YBX3: variants seen among roughly 807,000 people sequenced by gnomAD.
YBX3 encodes Y-box-binding protein 3.
In YBX3, 29 loss-of-function variants were observed where a neutral mutation model predicts 42.4. The observed-to-expected ratio is 0.68, with a 90% CI of 0.51 to 0.93. The LOEUF (loss-of-function observed/expected upper bound fraction) is 0.93, where lower values mean the gene tolerates loss of function less well. YBX3 is among the 40% of genes least tolerant of loss of function. The pLI, the probability that YBX3 is intolerant of heterozygous loss-of-function variation, is 0.00. For missense variants in YBX3, 517 were observed against 527.5 expected, an observed-to-expected ratio of 0.98 and a Z score of 0.19; for synonymous variants, 195 against 189.8, an observed-to-expected ratio of 1.03 and a Z score of -0.22.
chr12:10,715,894 A>G, intron 3 of YBX3, 111 bp from the exon 4 acceptor site: 1 of 868,542 alleles, frequency 1.2e-6, no homozygotes, highest in Non-Finnish European at 1.8e-6. Context: ...ACCGATTCTT[A>G]TTTTTCCACC....
At chr12:10,703,602 G>A in intron 7 of YBX3, 1 of 436,152 alleles carries the variant, frequency 2.3e-6, no homozygotes, top group Non-Finnish European at 4.6e-6. Context: ...TGCAGTCCAA[G>A]AACATACATC....
intron 5 of YBX3, chr12:10,710,605 G>A: frequency 8.0e-7 from 1 of 1,253,832 alleles, no homozygotes. Flanking sequence ...ACTTCCAGGG[G>A]GTCAGCGAGG....
Position 10,713,239 on chromosome 12 carries a change from T to G in YBX3, c.545A>C (p.Tyr182Ser), listed in dbSNP as rs150965070. The G allele has an allele frequency of 6.2e-7, 1 of 1,613,890 alleles. No homozygotes were observed. Among genetic ancestry groups the G allele is most frequent in the East Asian group, 2.2e-5 (1 of 44,882 alleles). ...CCGGGGAGGGCCACGGCGCCTTCCA[T>G]AGTAGCCACGTCTGTAACGGCGCCG... ...ADRRRYRRGYYGRRRGPPRNY... is the reference protein window; with the variant it reads ...ADRRRYRRGYSGRRRGPPRNY... The change falls in exon 5 of 10, where the codon TAT (tyrosine) becomes TCT (serine). Residue 182 changes from tyrosine (Y) to serine (S), a missense_variant. By Grantham distance (144) the Tyr-to-Ser change is moderately radical. Around this residue, in one of 3 missense-constraint regions of YBX3, gnomAD observed 420 missense variants for 408.5 expected, o/e 1.03. Transcript: ENST00000228251.
intron 3 of YBX3, among the ~76,000 whole-genome samples, chr12:10,716,372 G>A (rs756434496): frequency 3.3e-5 from 5 of 152,174 alleles, no homozygotes; most frequent in Non-Finnish European, 7.3e-5. Flanking sequence ...AAGTGGAGGA[G>A]GGGGAATTCA....
Position 10,704,066 on chromosome 12 carries a change from C to A in YBX3, c.863G>T (p.Arg288Leu), listed in dbSNP as rs745797213. The change falls in exon 7 of 10, where the codon CGC becomes CTC. Residue 288 changes from arginine to leucine, a missense_variant. By Grantham distance (102) the Arg-to-Leu change is moderately radical. Around this residue, in one of 3 missense-constraint regions of YBX3, gnomAD observed 420 missense variants for 408.5 expected, o/e 1.03. Transcript: ENST00000228251. ...TGCGACATACCTACGGTACCTTGGG[C>A]GGTAAGTTGGATTTCGATGAACCGG... ...QGPVHRNPTY[R>L]PRYRSRGPPR... 1 of 1,614,170 alleles carries A rather than the reference C, an allele frequency of 6.2e-7. No individual in the cohort carries two copies. The highest frequency in any genetic ancestry group is 1.3e-5 in the African/African-American group (1 of 75,034).
Position 10,709,957 on chromosome 12 carries a change from T to C in YBX3, c.731A>G (p.Gln244Arg). The C allele has an allele frequency of 1.2e-6, 2 of 1,614,240 alleles. No homozygotes were observed. Among genetic ancestry groups the C allele is most frequent in the Non-Finnish European group, 1.7e-6 (2 of 1,180,036 alleles). ...QRRFPPYHVG[Q>R]TFDRRSRVLP... is the part of the protein sequence containing the mutation. ...GACCCGTGAGCGACGGTCAAAGGTC[T>C]GTCCCACGTGGTAAGGCGGGAACCG... is the stretch of plus-strand genomic sequence containing the variant. Residue 244 changes from glutamine (Q) to arginine (R), a missense_variant, in exon 6 of 10, where the codon CAG becomes CGG. Physicochemically the swap from Gln to Arg is conservative, Grantham distance 43. Coordinates refer to ENST00000228251, the MANE Select transcript of YBX3 (RefSeq NM_003651.5).
chr12:10,710,509 G>A, intron 5 of YBX3: 1 of 1,184,206 alleles, frequency 8.4e-7, no homozygotes, highest in Non-Finnish European at 1.1e-6. Flanking sequence ...AGCCAAAAAA[G>A]AATACATTTT....
chr12:10,710,288 C>T, intron 5 of YBX3, 174 bp from the exon 6 acceptor site: 1 of 1,493,362 alleles, frequency 6.7e-7, no homozygotes. Context: ...CTGGGATAAA[C>T]TACATTAAGA....
At position 10,712,880 on chromosome 12, in the gene YBX3, C is replaced by T. The variant is rs193007096; in HGVS notation, c.573+331G>A. The T allele has an allele frequency of 2.3e-3, 489 of 214,740 alleles. 3 individuals carry two copies. Among genetic ancestry groups the T allele is most frequent in the Non-Finnish European group, 3.9e-3 (422 of 108,778 alleles). 13.3% of individuals were successfully genotyped at this position (214,740 alleles called of 1,614,324 possible). A position where few individuals can be genotyped will look rare whatever the true frequency, so the allele number is the denominator to read the frequency against. On this transcript the variant is annotated intron_variant, in intron 5 of 9. Coordinates refer to ENST00000228251, the MANE Select transcript of YBX3 (RefSeq NM_003651.5). ...TCTGAATGGCAAGTGTCTAATGAGA[C>T]CAGCGGCTCTGGAAAAGTTCTGAGC...
intron 6 of YBX3, among the ~76,000 whole-genome samples, chr12:10,707,478 A>C (rs998626744): frequency 6.6e-6 from 1 of 152,238 alleles, no homozygotes; most frequent in African/African-American, 2.4e-5. Context: ...TATATGCTTA[A>C]AACATTTTCC....
intron 6 of YBX3, among the ~76,000 whole-genome samples, chr12:10,705,704 CATAA>C (rs1290898011): frequency 6.6e-6 from 1 of 152,180 alleles, no homozygotes; most frequent in African/African-American, 2.4e-5. Context: ...TTACAAAGTG[CATAA>C]ATATACTATT....
Position 10,723,176 on chromosome 12 carries a change from G to A in YBX3, c.-65C>T. ...CGGTTGGTCGGCGGTTAGCGCGGCT[G>A]GTGGTCGCGGCGGCCGGGGCTCGCT... is the stretch of plus-strand genomic sequence containing the variant. On this transcript the variant is annotated 5_prime_UTR_variant, in exon 1 of 10. Transcript: ENST00000228251. The A allele has an allele frequency of 7.6e-6, 9 of 1,185,152 alleles. No individual in the cohort carries two copies. The highest frequency in any genetic ancestry group is 9.4e-6 in the Non-Finnish European group (9 of 958,028). The allele number at this position is 1,185,152 out of a possible 1,614,324, so 73.4% of individuals were successfully genotyped here.
At chr12:10,706,718 G>A (rs1489641983) in intron 6 of YBX3, among the ~76,000 whole-genome samples, 1 of 152,040 alleles carries the variant, frequency 6.6e-6, no homozygotes, top group African/African-American at 2.4e-5. Flanking sequence ...TAAACATCCT[G>A]TTTTATAACT....
At chr12:10,701,733 C>T (rs1156512299) in intron 8 of YBX3, among the ~76,000 whole-genome samples, 1 of 152,178 alleles carries the variant, frequency 6.6e-6, no homozygotes, top group Non-Finnish European at 1.5e-5. Context: ...AATGTTTTAG[C>T]TCTGAATCCC....
chr12:10,715,734 T>C lies in YBX3; in HGVS notation c.410A>G (p.Asp137Gly). Residue 137 changes from aspartate (D) to glycine (G), a missense_variant, in exon 4 of 10, where the codon GAT becomes GGT. By Grantham distance (94) the Asp-to-Gly change is moderately conservative. This residue lies in a region of YBX3 where 420 missense variants were observed against 408.5 expected (regional missense o/e 1.03). Coordinates refer to ENST00000228251, the MANE Select transcript of YBX3 (RefSeq NM_003651.5). ...CACATCAAACTCTACAGTTTCTCCATCTCCTACACTGCGCAGATATTTCCG... is the reference window on the plus strand; with the variant it reads ...CACATCAAACTCTACAGTTTCTCCACCTCCTACACTGCGCAGATATTTCCG... ...NPRKYLRSVG[D>G]GETVEFDVVE... 6.2e-7 allele frequency: 1 copy of C among 1,614,050 alleles called. No individual in the cohort carries two copies. Among genetic ancestry groups the C allele is most frequent in the South Asian group, 1.1e-5 (1 of 91,076 alleles).
intron 1 of YBX3, among the ~76,000 whole-genome samples, chr12:10,719,642 C>T (rs187896086): frequency 2.0e-5 from 3 of 152,294 alleles, no homozygotes; most frequent in Non-Finnish European, 2.9e-5. Context: ...GTCCAGTCGC[C>T]AAGTGGGAGC....
Position 10,716,063 on chromosome 12 carries a change from T to C in YBX3, c.361-280A>G, listed in dbSNP as rs144484940. 110 of 381,244 alleles carry C rather than the reference T, an allele frequency of 2.9e-4. 1 individual carries two copies. In the East Asian group the frequency reaches 6.6e-3, roughly 23 times the overall value. The allele number at this position is 381,244 out of a possible 1,614,324, so 23.6% of individuals were successfully genotyped here. ...AGTGTGTGCAGTGACTACACACTAC[T>C]GTTACAGGCTGATCACCTGATCATA... On this transcript the variant is annotated intron_variant, in intron 3 of 9. Transcript: ENST00000228251.
In YBX3 at chr12:10,723,276, G is replaced by C; in HGVS notation, c.-165C>G. On this transcript the variant is annotated 5_prime_UTR_variant, in exon 1 of 10. Coordinates refer to ENST00000228251, the MANE Select transcript of YBX3 (RefSeq NM_003651.5). The stretch of plus-strand genomic sequence containing the variant: ...TGGGGTCGCGCGGCGGAGGCGGCTC[G>C]AGCTTCGTGCTGCGCGCTCTCTCTT... 8 of 1,102,434 alleles carry C rather than the reference G, an allele frequency of 7.3e-6. No homozygotes were observed. The highest frequency in any genetic ancestry group is 9.0e-6 in the Non-Finnish European group (8 of 888,368). 68.3% of individuals were successfully genotyped at this position (1,102,434 alleles called of 1,614,324 possible). A position where few individuals can be genotyped will look rare whatever the true frequency, so the allele number is the denominator to read the frequency against.
intron 4 of YBX3, 39 bp from the exon 5 acceptor site, chr12:10,713,372 G>C (rs2305848): frequency 0.21 from 342,471 of 1,602,882 alleles, 39,724 homozygotes; most frequent in East Asian, 0.48. Flanking sequence ...AAATTAAAAA[G>C]AATATACACT....
Sources: gnomAD v4.1 joint callset for allele counts (sites outside exome capture counted in the v4.1 genomes callset) on GRCh38, gnomAD v4.1.1 for gene constraint, gnomAD v4.1.1 regional missense constraint, MANE v1.5 for transcripts, NCBI Gene and HGNC (gene_info 2026-07-23, HGNC 2026-07-21) for gene names.